Variants in SHOX2 observed in about 807,000 individuals in gnomAD.
SHOX2 encodes the protein short stature homeobox protein 2.
In SHOX2, 13 loss-of-function variants were observed where a neutral mutation model predicts 31.3. That is an observed-to-expected ratio of 0.42 (90% confidence interval 0.27 to 0.66). The LOEUF (loss-of-function observed/expected upper bound fraction) is 0.66, where lower values mean the gene tolerates loss of function less well. SHOX2 is among the 30% of genes least tolerant of loss of function. The pLI is 0.27. For missense variants in SHOX2, 473 were observed against 443.0 expected (o/e 1.07, Z -0.61); for synonymous variants, 244 against 196.2 (o/e 1.24, Z -2.04).
chr3:158,100,003 AG>A (rs1553754026), intron 3 of SHOX2, 55 bp from the exon 4 acceptor site: 1 of 1,402,286 alleles, frequency 7.1e-7, no homozygotes, highest in Non-Finnish European at 1.0e-6. Flanking sequence ...AGCATTTTTC[AG>A]GGTTCCAAAG....
chr3:158,104,757 A>C (rs1445296320), intron 1 of SHOX2, among the ~76,000 whole-genome samples: 4 of 152,202 alleles, frequency 2.6e-5, no homozygotes, highest in Non-Finnish European at 4.4e-5. Context: ...GTCATAAACA[A>C]CTTAATTGCT....
chr3:158,105,008 A>G, intron 1 of SHOX2: 1 of 869,464 alleles, frequency 1.2e-6, no homozygotes, highest in Non-Finnish European at 1.8e-6. Flanking sequence ...AATTGTGTAA[A>G]TATAGATCCC....
At chr3:158,105,631 C>T (rs900060007) in intron 1 of SHOX2, 48 bp downstream of exon 1, 4 of 1,483,486 alleles carry the variant, frequency 2.7e-6, no homozygotes, top group South Asian at 1.2e-5. Context: ...GAGAGGAGTC[C>T]GGAAGGCGGG....
chr3:158,102,672 G>A lies in SHOX2; in HGVS notation c.555+6C>T. On this transcript the variant is annotated splice_donor_region_variant and intron_variant, in intron 2 of 4. Transcript: ENST00000483851. ...CTGGGCCCTCGACCTCCTGGCAGCT[G>A]GGTACCTGCACTCGGGCCTCCGACA... 5.0e-6 allele frequency: 8 copies of A among 1,613,200 alleles called. No individual in the cohort carries two copies. The highest frequency in any genetic ancestry group is 6.8e-6 in the Non-Finnish European group (8 of 1,179,326).
In SHOX2 at chr3:158,105,773, G is replaced by GCCTGCTCCTCCT. The variant is rs1713868964; in HGVS notation, c.240_251dup (p.Ala87_Gly90dup). On this transcript the variant is annotated inframe_insertion, in exon 1 of 5. Transcript: ENST00000483851. ...GAGAGCGCCCTCCTCCAGCTCCTCC[G>GCCTGCTCCTCCT]CCTGCTCCTCCTCCTCCTACACCTC... 5 of 1,517,754 alleles carry GCCTGCTCCTCCT rather than the reference G, an allele frequency of 3.3e-6. No individual in the cohort carries two copies. The African/African-American group carries it at 5.7e-5, about 17-fold the overall frequency. The allele number at this position is 1,517,754 out of a possible 1,614,324, so 94.0% of individuals were successfully genotyped here. A position where few individuals can be genotyped will look rare whatever the true frequency, so the allele number is the denominator to read the frequency against.
Position 158,096,916 on chromosome 3 carries a change from A to ATT in SHOX2, c.*1110_*1111insAA, listed in dbSNP as rs1713137983. ...TATATATATATATATATATATATAT[A>ATT]TATATATATATATATGGCAAATATA... On this transcript the variant is annotated 3_prime_UTR_variant, in exon 5 of 5. Coordinates refer to ENST00000483851, the MANE Select transcript of SHOX2 (RefSeq NM_001163678.2). The ATT allele has an allele frequency of 8.6e-6, 1 of 116,686 alleles. No individual in the cohort carries two copies. Among genetic ancestry groups the ATT allele is most frequent in the South Asian group, 2.7e-4 (1 of 3,752 alleles). The allele number at this position is 116,686 out of a possible 1,614,324, so 7.2% of individuals were successfully genotyped here. A position where few individuals can be genotyped will look rare whatever the true frequency, so the allele number is the denominator to read the frequency against.
chr3:158,098,156 C>T lies in SHOX2; in HGVS notation c.831G>A (p.Leu277=). ...AGGCGGCGGAAGCCGAATCCGCGGC[C>T]AGCGTGGCGAGCGGCAGTCCGAAGG... is the stretch of plus-strand genomic sequence containing the variant. ...APPFGLPLAT[L]AADSASAASV... Residue 277 remains leucine, a synonymous_variant, in exon 5 of 5, where the codon CTG becomes CTA. Transcript: ENST00000483851. 6.2e-7 allele frequency: 1 copy of T among 1,613,490 alleles called. No homozygotes were observed. Among genetic ancestry groups the T allele is most frequent in the Admixed American group, 1.7e-5 (1 of 59,980 alleles).
rs1374568346 is a variant in SHOX2 at position 158,106,371 on chromosome 3, A to G, written c.-347T>C. On this transcript the variant is annotated 5_prime_UTR_variant, in exon 1 of 5. Transcript: ENST00000483851. ...TTCCCTGCCGGAGCGCGCTTGTTCA[A>G]TGTTAAGATCTTTGACAATTCTTCC... 2 of 334,824 alleles carry G rather than the reference A, an allele frequency of 6.0e-6. No individual in the cohort carries two copies. Among genetic ancestry groups the G allele is most frequent in the Non-Finnish European group, 1.1e-5 (2 of 181,880 alleles). 20.7% of individuals were successfully genotyped at this position (334,824 alleles called of 1,614,324 possible). A position where few individuals can be genotyped will look rare whatever the true frequency, so the allele number is the denominator to read the frequency against.
Position 158,106,362 on chromosome 3 carries a change from G to A in SHOX2, c.-338C>T. The A allele has an allele frequency of 2.8e-6, 1 of 363,494 alleles. No individual in the cohort carries two copies. The highest frequency in any genetic ancestry group is 2.7e-5 in the South Asian group (1 of 36,420). 22.5% of individuals were successfully genotyped at this position (363,494 alleles called of 1,614,324 possible). A position where few individuals can be genotyped will look rare whatever the true frequency, so the allele number is the denominator to read the frequency against. ...AACTGATGCTTCCCTGCCGGAGCGC[G>A]CTTGTTCAATGTTAAGATCTTTGAC... On this transcript the variant is annotated 5_prime_UTR_variant, in exon 1 of 5. Coordinates refer to ENST00000483851, the MANE Select transcript of SHOX2 (RefSeq NM_001163678.2).
chr3:158,102,832 C>A lies in SHOX2; in HGVS notation c.401G>T (p.Gly134Val), dbSNP rs1713587741. Residue 134 changes from glycine (G) to valine (V), a missense_variant, in exon 2 of 5, where the codon GGC (glycine) becomes GTC (valine). By Grantham distance (109) the Gly-to-Val change is moderately radical. Around this residue, in one of 3 missense-constraint regions of SHOX2, gnomAD observed 276 missense variants for 230.0 expected, o/e 1.20. Coordinates refer to ENST00000483851, the MANE Select transcript of SHOX2 (RefSeq NM_001163678.2). ...TCGCCTCTGCTTGATTTTGGTCTGG[C>A]CTTCGTCCTCCATCCCTTTCGCATC... is the stretch of plus-strand genomic sequence containing the variant. ...KEDAKGMEDE[G>V]QTKIKQRRSR... 5.6e-6 allele frequency: 9 copies of A among 1,614,078 alleles called. No homozygotes were observed. Among genetic ancestry groups the A allele is most frequent in the African/African-American group, 1.3e-5 (1 of 74,998 alleles).
intron 1 of SHOX2, 200 bp from the exon 2 acceptor site, chr3:158,103,086 A>G: frequency 1.6e-6 from 1 of 632,530 alleles, no homozygotes; most frequent in South Asian, 1.9e-5. Flanking sequence ...AGAAGCGCAA[A>G]GGTCAAGTCT....
intron 1 of SHOX2, chr3:158,103,156 G>T (rs1166983375): frequency 9.4e-6 from 5 of 533,182 alleles, no homozygotes; most frequent in Non-Finnish European, 1.7e-5. Flanking sequence ...AACGTACCTC[G>T]ACTCACCGCC....
chr3:158,105,788 T>A lies in SHOX2; in HGVS notation c.237A>T (p.Gly79=). 1.3e-6 allele frequency: 2 copies of A among 1,494,780 alleles called. No individual in the cohort carries two copies. Among genetic ancestry groups the A allele is most frequent in the South Asian group, 1.3e-5 (1 of 79,110 alleles). The allele number at this position is 1,494,780 out of a possible 1,614,324, so 92.6% of individuals were successfully genotyped here. The change falls in exon 1 of 5, where the codon GGA becomes GGT. Residue 79 remains glycine, a synonymous_variant. Transcript: ENST00000483851. ...GGGGGGGGGV[G]GGGAGGGAGG... ...CAGCTCCTCCGCCTGCTCCTCCTCC[T>A]CCTACACCTCCTCCGCCTCCTCCGC...
At position 158,097,059 on chromosome 3, in the gene SHOX2, C is replaced by G. The variant is rs1423819904; in HGVS notation, c.*968G>C. ...AGATAAGGGGGTGGGAGGAGACACA[C>G]CATCAATGGAATACAAGTAACATGC... is the stretch of plus-strand genomic sequence containing the variant. On this transcript the variant is annotated 3_prime_UTR_variant, in exon 5 of 5. Coordinates refer to ENST00000483851, the MANE Select transcript of SHOX2 (RefSeq NM_001163678.2). 6.6e-6 allele frequency: 1 copy of G among 151,082 alleles called. No individual in the cohort carries two copies. Among genetic ancestry groups the G allele is most frequent in the Non-Finnish European group, 1.5e-5 (1 of 67,706 alleles). 9.4% of individuals were successfully genotyped at this position (151,082 alleles called of 1,614,324 possible). A position where few individuals can be genotyped will look rare whatever the true frequency, so the allele number is the denominator to read the frequency against.
chr3:158,103,749 CAG>C (rs1264915088), intron 1 of SHOX2: 1 of 152,288 alleles, frequency 6.6e-6, no homozygotes, highest in African/African-American at 2.4e-5. Flanking sequence ...CGTGGAAACG[CAG>C]ACTCGACCCT....
chr3:158,097,727 CT>C lies in SHOX2; in HGVS notation c.*299del. 1 of 362,618 alleles carries C rather than the reference CT, an allele frequency of 2.8e-6. No homozygotes were observed. Among genetic ancestry groups the C allele is most frequent in the Non-Finnish European group, 5.0e-6 (1 of 200,956 alleles). 22.5% of individuals were successfully genotyped at this position (362,618 alleles called of 1,614,324 possible). On this transcript the variant is annotated 3_prime_UTR_variant, in exon 5 of 5. Transcript: ENST00000483851. ...TGAGCCAAACTCCGCGGTTCCAGCA[CT>C]CCCCTGTCCAGTCTCTCTCCAGACT... is the stretch of plus-strand genomic sequence containing the variant.
intron 4 of SHOX2, 48 bp from the exon 5 acceptor site, chr3:158,098,332 A>G (rs761425318): frequency 1.3e-6 from 2 of 1,597,250 alleles, no homozygotes; most frequent in Non-Finnish European, 1.7e-6. Context: ...TAGGGTGACA[A>G]CAGAATAGAA....
chr3:158,098,286 T>A lies in SHOX2; in HGVS notation c.703-2A>T. 1 of 1,613,406 alleles carries A rather than the reference T, an allele frequency of 6.2e-7. No individual in the cohort carries two copies. The highest frequency in any genetic ancestry group is 8.5e-7 in the Non-Finnish European group (1 of 1,179,660). Reference sequence around the variant, plus strand: ...GTCCAGCTGCAGCTGCGCCTGAACCTGAAAGGACAAGGGCGTCACGTTGCA... The same window carrying A: ...GTCCAGCTGCAGCTGCGCCTGAACCAGAAAGGACAAGGGCGTCACGTTGCA... On this transcript the variant is annotated splice_acceptor_variant, in intron 4 of 4. Coordinates refer to ENST00000483851, the MANE Select transcript of SHOX2 (RefSeq NM_001163678.2). LOFTEE classifies it high-confidence loss of function.
At chr3:158,101,614 C>G (rs1713498440) in intron 2 of SHOX2, among the ~76,000 whole-genome samples, 2 of 151,714 alleles carry the variant, frequency 1.3e-5, no homozygotes, top group Admixed American at 1.3e-4. Context: ...GATCCTGTTA[C>G]AAGATGTGGG....
Sources: gnomAD v4.1 joint callset for allele counts (sites outside exome capture counted in the v4.1 genomes callset) on GRCh38, gnomAD v4.1.1 for gene constraint, gnomAD v4.1.1 regional missense constraint, MANE v1.5 for transcripts, NCBI Gene and HGNC (gene_info 2026-07-23, HGNC 2026-07-21) for gene names.